IL18RAP: variants seen among roughly 807,000 people sequenced by gnomAD.
IL18RAP encodes interleukin 18 receptor accessory protein.
IL18RAP carries 37 observed loss-of-function variants against 58.1 expected under a neutral mutation model. That is an observed-to-expected ratio of 0.64 (90% CI 0.49 to 0.84). The LOEUF (loss-of-function observed/expected upper bound fraction) is 0.84. Among genes scored for constraint, IL18RAP ranks in the 40% least tolerant of loss-of-function variants. IL18RAP has a pLI of 0.00. For synonymous variants in IL18RAP, 268 were observed against 257.5 expected (o/e 1.04, Z -0.39); for missense variants, 667 against 704.8 (o/e 0.95, Z 0.61).
At chr2:102,421,762 A>ATCCTGTACTT (rs1681591693), upstream of IL18RAP, among the ~76,000 whole-genome samples, 1 of 152,176 alleles carries the variant, frequency 6.6e-6, no homozygotes, top group South Asian at 2.1e-4. Flanking sequence ...AGGTGGTAGC[A>ATCCTGTACTT]TCCTGTACTT....
rs1485351325 is a variant in IL18RAP at position 102,451,995 on chromosome 2, T to C, written c.1614T>C (p.Thr538=). 2 of 1,614,176 alleles carry C rather than the reference T, an allele frequency of 1.2e-6. No homozygotes were observed. The highest frequency in any genetic ancestry group is 1.7e-5 in the Admixed American group (1 of 60,020). ...CTCTCAGGGTTTTGCCCACAGTTACTTGGAGAGGCTTAAAATCAGTTCCTC... is the reference window on the plus strand; with the variant it reads ...CTCTCAGGGTTTTGCCCACAGTTACCTGGAGAGGCTTAAAATCAGTTCCTC... The part of the protein sequence containing the change: ...KKALRVLPTV[T]WRGLKSVPPN... The change falls in exon 10 of 10, where the codon ACT becomes ACC. Residue 538 remains threonine, a synonymous_variant. Transcript: ENST00000687160.
intron 2 of IL18RAP, 25 bp from the exon 3 acceptor site, chr2:102,424,206 T>A: frequency 6.2e-7 from 1 of 1,612,428 alleles, no homozygotes; most frequent in Non-Finnish European, 8.5e-7. Flanking sequence ...ATATCTATGT[T>A]CACAGGATCT....
At chr2:102,427,244 T>C (rs140538431) in intron 3 of IL18RAP, among the ~76,000 whole-genome samples, 24 of 152,302 alleles carry the variant, frequency 1.6e-4, no homozygotes, top group Admixed American at 3.9e-4. Flanking sequence ...GCCATACTGA[T>C]TTCAATCTCT....
At chr2:102,421,328 G>T (rs1038017428), upstream of IL18RAP, among the ~76,000 whole-genome samples, 9 of 152,216 alleles carry the variant, frequency 5.9e-5, no homozygotes, top group Admixed American at 2.6e-4. Context: ...CTCTGAGGAA[G>T]AAATCAGGGA....
chr2:102,421,689 C>T (rs1012105916), upstream of IL18RAP, among the ~76,000 whole-genome samples: 1 of 152,160 alleles, frequency 6.6e-6, no homozygotes, highest in Non-Finnish European at 1.5e-5. Context: ...GCACAGAACC[C>T]CCTTTCTTTC....
chr2:102,423,705 C>G (rs1047891368), intron 1 of IL18RAP, 106 bp from the exon 2 acceptor site: 1 of 831,886 alleles, frequency 1.2e-6, no homozygotes, highest in Non-Finnish European at 1.9e-6. Context: ...AAGAAAGACA[C>G]ACAAGGAAGC....
chr2:102,447,309 CAG>C (rs1683488642), intron 8 of IL18RAP, 102 bp downstream of exon 8: 4 of 1,325,646 alleles, frequency 3.0e-6, no homozygotes, highest in Non-Finnish European at 4.2e-6. Flanking sequence ...TTTGTTTCCT[CAG>C]AGTTACCTTA....
At chr2:102,445,135 A>G in intron 6 of IL18RAP, 54 bp from the exon 7 acceptor site, 1 of 1,541,612 alleles carries the variant, frequency 6.5e-7, no homozygotes. Flanking sequence ...AAATGCTGCA[A>G]ATGGGTGTCA....
In IL18RAP at chr2:102,445,274, G is replaced by T. The variant is rs1402319386; in HGVS notation, c.1006G>T (p.Val336Phe). The T allele has an allele frequency of 1.2e-6, 2 of 1,614,194 alleles. No homozygotes were observed. Among genetic ancestry groups the T allele is most frequent in the Non-Finnish European group, 1.7e-6 (2 of 1,180,000 alleles). Residue 336 changes from valine (V) to phenylalanine (F), a missense_variant, in exon 7 of 10, where the codon GTT becomes TTT. Transcript: ENST00000687160. Reference protein sequence around the residue: ...VTQRDLRRKFVCFVQNSIGNT... With the variant: ...VTQRDLRRKFFCFVQNSIGNT... ...TCAGCGTGATCTTCGCAGGAAGTTTGTTTGCTTTGTCCAGAACTCCATTGG... is the reference window on the plus strand; with the variant it reads ...TCAGCGTGATCTTCGCAGGAAGTTTTTTTGCTTTGTCCAGAACTCCATTGG...
intron 3 of IL18RAP, among the ~76,000 whole-genome samples, chr2:102,432,697 G>A (rs1306128887): frequency 6.6e-6 from 1 of 152,168 alleles, no homozygotes; most frequent in Non-Finnish European, 1.5e-5. Flanking sequence ...TGCTCCTTCT[G>A]CAGATAACTG....
chr2:102,427,153 T>C (rs1379120437), intron 3 of IL18RAP, among the ~76,000 whole-genome samples: 1 of 152,166 alleles, frequency 6.6e-6, no homozygotes, highest in Admixed American at 6.6e-5. Flanking sequence ...CATTCCTCTG[T>C]TGATGGACAC....
intron 3 of IL18RAP, among the ~76,000 whole-genome samples, chr2:102,433,381 C>T (rs1263403287): frequency 6.6e-6 from 1 of 152,128 alleles, no homozygotes; most frequent in African/African-American, 2.4e-5. Flanking sequence ...TACCACTGCA[C>T]CCAGCTAATT....
chr2:102,446,994 A>G, intron 7 of IL18RAP, 76 bp from the exon 8 acceptor site: 2 of 1,470,530 alleles, frequency 1.4e-6, no homozygotes, highest in Non-Finnish European at 1.8e-6. Flanking sequence ...TGGGTGGGCC[A>G]TAGCGCCGGC....
At chr2:102,439,182 T>A in intron 4 of IL18RAP, 1 of 152,222 alleles carries the variant, frequency 6.6e-6, no homozygotes, top group East Asian at 1.9e-4. Context: ...TGGGAGAATG[T>A]CGTGACTGAA....
chr2:102,442,592 A>C (rs1683170062), intron 5 of IL18RAP, among the ~76,000 whole-genome samples: 1 of 152,178 alleles, frequency 6.6e-6, no homozygotes, highest in South Asian at 2.1e-4. Context: ...ATTCAAATGG[A>C]GCTCCTAGTC....
Position 102,447,202 on chromosome 2 carries a change from T to C in IL18RAP, c.1205T>C (p.Leu402Pro), listed in dbSNP as rs373102839. The C allele has an allele frequency of 8.2e-5, 132 of 1,613,334 alleles. No homozygotes were observed. Among genetic ancestry groups the C allele is most frequent in the Middle Eastern group, 4.9e-4 (3 of 6,080 alleles). ...YRTYQSKDQT[L>P]GDKKDFDAFV... ...ACCTACCAGAGCAAGGATCAGACGCTTGGGGGTAAGTTTACCTCCACATGC... is the reference window on the plus strand; with the variant it reads ...ACCTACCAGAGCAAGGATCAGACGCCTGGGGGTAAGTTTACCTCCACATGC... Residue 402 changes from leucine to proline, a missense_variant, in exon 8 of 10, where the codon CTT becomes CCT. Leu to Pro is a moderately conservative substitution (Grantham distance 98). Transcript: ENST00000687160.
chr2:102,433,405 G>A (rs7581119), intron 3 of IL18RAP, among the ~76,000 whole-genome samples: 81,477 of 151,974 alleles, frequency 0.54, 23,761 homozygotes, highest in African/African-American at 0.74. Context: ...AAAATTTTTT[G>A]TAGAGAAGGG....
chr2:102,421,378 G>T (rs1369238321), upstream of IL18RAP, among the ~76,000 whole-genome samples: 1 of 152,228 alleles, frequency 6.6e-6, no homozygotes, highest in Admixed American at 6.5e-5. Flanking sequence ...TTTGTCCATG[G>T]TGCTCTGGAA....
intron 8 of IL18RAP, 146 bp downstream of exon 8, chr2:102,447,353 G>A: frequency 1.1e-6 from 1 of 942,294 alleles, no homozygotes; most frequent in Non-Finnish European, 1.6e-6. Flanking sequence ...CTGCCAGCCA[G>A]GGCAGAGCAT....
Sources: allele counts gnomAD v4.1 joint callset (sites outside exome capture counted in the v4.1 genomes callset), GRCh38; gene constraint gnomAD v4.1.1; transcripts MANE v1.5; gene names NCBI Gene and HGNC (gene_info 2026-07-23, HGNC 2026-07-21).